The following AKAP12 variants were observed in gnomAD, a reference collection of about 807,000 sequenced individuals.
AKAP12 encodes A-kinase anchor protein 12.
A neutral mutation model predicts 79.9 loss-of-function variants in AKAP12; 32 were observed. The ratio of observed to expected loss-of-function variants is 0.40; its 90% CI spans 0.30 to 0.54. The LOEUF (loss-of-function observed/expected upper bound fraction) is 0.54. AKAP12 is among the 20% of genes least tolerant of loss of function. The pLI is 0.48. For synonymous variants in AKAP12, 808 were observed against 857.0 expected (o/e 0.94, Z 1.00); for missense variants, 2,074 against 2,177.0 (o/e 0.95, Z 0.94).
At chr6:151,311,604 T>C (rs529291261) in intron 3 of AKAP12, among the ~76,000 whole-genome samples, 1 of 152,310 alleles carries the variant, frequency 6.6e-6, no homozygotes, top group African/African-American at 2.4e-5. Context: ...TCTTAACGTT[T>C]TACAGGATTC....
chr6:151,343,972 TGTAGAA>T (rs769510169), intron 3 of AKAP12: 7 of 448,514 alleles, frequency 1.6e-5, no homozygotes, highest in Non-Finnish European at 2.5e-5. Context: ...ATATCTAAAA[TGTAGAA>T]GTAGTTTAAA....
chr6:151,279,344 C>G (rs1303207144), intron 2 of AKAP12, among the ~76,000 whole-genome samples: 1 of 152,068 alleles, frequency 6.6e-6, no homozygotes, highest in African/African-American at 2.4e-5. Context: ...AACATTCTTT[C>G]AGGATTTGGT....
At chr6:151,325,750 G>T in intron 3 of AKAP12, 1 of 1,586,772 alleles carries the variant, frequency 6.3e-7, no homozygotes, top group Non-Finnish European at 8.6e-7. Flanking sequence ...CGCTCAGTCC[G>T]CTCTGATCCC....
At chr6:151,319,340 G>A (rs558946575) in intron 3 of AKAP12, among the ~76,000 whole-genome samples, 1 of 151,672 alleles carries the variant, frequency 6.6e-6, no homozygotes, top group East Asian at 2.0e-4. Context: ...TGCCCATCCT[G>A]TAGATAACCT....
chr6:151,345,687 C>T (rs1778074595), intron 3 of AKAP12, among the ~76,000 whole-genome samples: 1 of 150,996 alleles, frequency 6.6e-6, no homozygotes, highest in Non-Finnish European at 1.5e-5. Context: ...GTCCCAGCTA[C>T]TCGGGAGGCT....
At chr6:151,346,674 A>T (rs1314007344) in intron 3 of AKAP12, among the ~76,000 whole-genome samples, 1 of 152,118 alleles carries the variant, frequency 6.6e-6, no homozygotes, top group Non-Finnish European at 1.5e-5. Context: ...AGATTTCTCC[A>T]TTGCCAAGGT....
intron 2 of AKAP12, among the ~76,000 whole-genome samples, chr6:151,295,341 T>G (rs563201527): frequency 1.3e-4 from 20 of 152,360 alleles, no homozygotes; most frequent in African/African-American, 4.1e-4. Flanking sequence ...CAATCATTCT[T>G]TCTCATGTCT....
At chr6:151,260,029 G>A (rs1797392882) in intron 2 of AKAP12, among the ~76,000 whole-genome samples, 1 of 151,576 alleles carries the variant, frequency 6.6e-6, no homozygotes, top group South Asian at 2.1e-4. Context: ...GTGTATTTTT[G>A]TGTTAATTAC....
chr6:151,325,679 T>C, intron 3 of AKAP12: 2 of 1,427,684 alleles, frequency 1.4e-6, no homozygotes, highest in Non-Finnish European at 1.8e-6. Context: ...GCGCTCTGCT[T>C]TTCGCTGCGG....
At chr6:151,328,066 G>A (rs948339639) in intron 3 of AKAP12, among the ~76,000 whole-genome samples, 1 of 152,134 alleles carries the variant, frequency 6.6e-6, no homozygotes, top group Non-Finnish European at 1.5e-5. Context: ...GGTGGCTCAC[G>A]CCTGTAATCC....
chr6:151,244,971 G>A (rs1582828416), intron 2 of AKAP12, among the ~76,000 whole-genome samples: 1 of 152,198 alleles, frequency 6.6e-6, no homozygotes, highest in African/African-American at 2.4e-5. Flanking sequence ...TGAAGAAAAG[G>A]CCTTGAAATG....
At chr6:151,252,540 C>A (rs1797201445) in intron 2 of AKAP12, among the ~76,000 whole-genome samples, 1 of 151,668 alleles carries the variant, frequency 6.6e-6, no homozygotes, top group Admixed American at 6.6e-5. Context: ...ACACTGAAGG[C>A]CCCGATAGTG....
Position 151,351,097 on chromosome 6 carries a change from A to ATCT in AKAP12, c.2706_2707insTCT (p.Ala902_Ala903insSer). 6.2e-7 allele frequency: 1 copy of ATCT among 1,614,226 alleles called. No individual in the cohort carries two copies. Among genetic ancestry groups the ATCT allele is most frequent in the Non-Finnish European group, 8.5e-7 (1 of 1,180,050 alleles). On this transcript the variant is annotated inframe_insertion, in exon 4 of 5. Transcript: ENST00000402676. This position sits in a 1 kb window ranked among gnomAD's most constrained non-coding sequence, Gnocchi z 4.4. ...CAGCTGTCGCTGACGGGACGAGGGC[A>ATCT]GCTACCATTATTGAAGAAAGGTCTC... is the stretch of plus-strand genomic sequence containing the variant.
chr6:151,306,428 G>A (rs779349847), intron 3 of AKAP12, among the ~76,000 whole-genome samples: 6 of 152,192 alleles, frequency 3.9e-5, no homozygotes, highest in East Asian at 1.9e-4. Context: ...GTGAGGAACC[G>A]TATCTTGAGG....
At position 151,240,618 on chromosome 6, in the gene AKAP12, G is replaced by A; in HGVS notation, c.56G>A (p.Ser19Asn). The A allele has an allele frequency of 1.4e-6, 2 of 1,395,182 alleles. No individual in the cohort carries two copies. The highest frequency in any genetic ancestry group is 3.1e-5 in the South Asian group (2 of 64,642). The allele number at this position is 1,395,182 out of a possible 1,614,324, so 86.4% of individuals were successfully genotyped here. A position where few individuals can be genotyped will look rare whatever the true frequency, so the allele number is the denominator to read the frequency against. ...QRSPEQPPEG[S>N]STPAEPEPSG... is the part of the protein sequence containing the mutation. ...AGCCCGGAGCAGCCGCCCGAGGGGA[G>A]CTCCACGCCGGCTGAGCCCGAGCCC... Residue 19 changes from serine (S) to asparagine (N), a missense_variant, in exon 2 of 5, where the codon AGC becomes AAC. Physicochemically the swap from Ser to Asn is conservative, Grantham distance 46. Transcript: ENST00000402676.
chr6:151,317,069 G>C (rs576064223), intron 3 of AKAP12, among the ~76,000 whole-genome samples: 1 of 152,294 alleles, frequency 6.6e-6, no homozygotes, highest in East Asian at 1.9e-4. Context: ...TGAATTTTGT[G>C]GGGGACACAG....
At chr6:151,260,584 C>A (rs1797407044) in intron 2 of AKAP12, among the ~76,000 whole-genome samples, 1 of 152,154 alleles carries the variant, frequency 6.6e-6, no homozygotes, top group Non-Finnish European at 1.5e-5. Flanking sequence ...TGTTTCAGAC[C>A]CTGTCCTCAC....
intron 2 of AKAP12, among the ~76,000 whole-genome samples, chr6:151,255,073 A>G (rs1797265019): frequency 6.6e-6 from 1 of 152,236 alleles, no homozygotes; most frequent in Admixed American, 6.5e-5. Flanking sequence ...TGAAAGTCAC[A>G]GATTCAGCAC....
At chr6:151,292,344 G>A (rs915622744) in intron 2 of AKAP12, among the ~76,000 whole-genome samples, 3 of 152,148 alleles carry the variant, frequency 2.0e-5, no homozygotes, top group African/African-American at 7.2e-5. Context: ...ATTCTAACTG[G>A]GTTTTTAGTT....
Sources: gnomAD v4.1 joint callset for allele counts (sites outside exome capture counted in the v4.1 genomes callset) on GRCh38, gnomAD v4.1.1 for gene constraint, Gnocchi (gnomAD v3.1) non-coding constraint, MANE v1.5 for transcripts, NCBI Gene and HGNC (gene_info 2026-07-23, HGNC 2026-07-21) for gene names.